LRP1B: variants seen among roughly 807,000 people sequenced by gnomAD.
The protein encoded by LRP1B is low-density lipoprotein receptor-related protein 1B.
A neutral mutation model predicts 556.6 loss-of-function variants in LRP1B; 217 were observed. That is an observed-to-expected ratio of 0.39 (90% CI 0.35 to 0.44). The LOEUF is 0.44. LRP1B is among the 20% of genes least tolerant of loss of function. The pLI is 1.00. For missense variants in LRP1B, 5,053 were observed against 5,620.8 expected (o/e 0.90, Z 3.23); for synonymous variants, 2,047 against 1,865.8 (o/e 1.10, Z -2.50).
At chr2:140,485,933 G>A (rs1170002830) in intron 58 of LRP1B, among the ~76,000 whole-genome samples, 1 of 150,100 alleles carries the variant, frequency 6.7e-6, no homozygotes, top group Non-Finnish European at 1.5e-5. Flanking sequence ...GATAACAGTA[G>A]CATTCCTCAC....
intron 25 of LRP1B, among the ~76,000 whole-genome samples, chr2:140,872,131 A>G (rs1693153825): frequency 8.2e-6 from 1 of 121,868 alleles, no homozygotes; most frequent in South Asian, 2.5e-4. Context: ...AGTTTACTGA[A>G]TTCTGTTTTC....
chr2:140,679,261 C>T (rs943190321), intron 41 of LRP1B, among the ~76,000 whole-genome samples: 3 of 152,198 alleles, frequency 2.0e-5, no homozygotes, highest in Non-Finnish European at 2.9e-5. Flanking sequence ...TTTCCACATA[C>T]ACTCATGTGC....
At chr2:141,809,334 C>A (rs1387517931) in intron 2 of LRP1B, among the ~76,000 whole-genome samples, 1 of 152,164 alleles carries the variant, frequency 6.6e-6, no homozygotes, top group Non-Finnish European at 1.5e-5. Flanking sequence ...GAAAATGAAA[C>A]CAATAATTGT....
chr2:141,110,223 C>T (rs1700714835), intron 7 of LRP1B, among the ~76,000 whole-genome samples: 1 of 152,046 alleles, frequency 6.6e-6, no homozygotes, highest in African/African-American at 2.4e-5. Context: ...GGTGGGTCTA[C>T]ACATAAAGCC....
chr2:140,398,818 A>G (rs1684368348), intron 66 of LRP1B, among the ~76,000 whole-genome samples: 1 of 152,188 alleles, frequency 6.6e-6, no homozygotes, highest in Non-Finnish European at 1.5e-5. Context: ...TTGTTTCCCT[A>G]TAGGTTCATC....
rs779473445 is a variant in LRP1B, at chr2:140,776,129, A to G, written c.5469T>C (p.His1823=). ...GTGCTTCTTTATCATAGACTTTCAT[A>G]TGAACTACCCCAGAAGTCTTATTCC... is the stretch of plus-strand genomic sequence containing the variant. ...ILRNKTSGVV[H]MKVYDKEAQQ... is the part of the protein sequence containing the mutation. Residue 1823 remains histidine, a synonymous_variant, in exon 33 of 91, where the codon CAT becomes CAC. Coordinates refer to ENST00000389484, the MANE Select transcript of LRP1B (RefSeq NM_018557.3). The G allele has an allele frequency of 1.7e-5, 26 of 1,570,926 alleles. No homozygotes were observed. Among genetic ancestry groups the G allele is most frequent in the Non-Finnish European group, 2.2e-5 (26 of 1,164,816 alleles).
intron 2 of LRP1B, among the ~76,000 whole-genome samples, chr2:141,508,320 A>T (rs972548399): frequency 6.6e-6 from 1 of 152,168 alleles, no homozygotes; most frequent in South Asian, 2.1e-4. Context: ...CTGTATGTTC[A>T]TCAGAAGGGT....
chr2:140,716,375 C>A (rs997600055), intron 36 of LRP1B, among the ~76,000 whole-genome samples: 2 of 151,904 alleles, frequency 1.3e-5, no homozygotes, highest in Admixed American at 6.6e-5. Flanking sequence ...AAAGAAAATA[C>A]CTATTTTAAC....
At chr2:140,870,374 A>G (rs751661738) in intron 25 of LRP1B, among the ~76,000 whole-genome samples, 1 of 152,118 alleles carries the variant, frequency 6.6e-6, no homozygotes, top group African/African-American at 2.4e-5. Flanking sequence ...AAAATTATAT[A>G]CCACTCCTCA....
intron 1 of LRP1B, among the ~76,000 whole-genome samples, chr2:141,828,345 C>T (rs1004129262): frequency 2.0e-5 from 3 of 151,790 alleles, no homozygotes; most frequent in Non-Finnish European, 2.9e-5. Context: ...TTTAAACATT[C>T]AAATATTTAA....
At chr2:140,494,196 G>T (rs1201839761) in intron 56 of LRP1B, among the ~76,000 whole-genome samples, 1 of 152,104 alleles carries the variant, frequency 6.6e-6, no homozygotes, top group Non-Finnish European at 1.5e-5. Context: ...CAACTATGGT[G>T]TGGATACATA....
intron 1 of LRP1B, among the ~76,000 whole-genome samples, chr2:141,831,441 T>G (rs1206577334): frequency 6.6e-6 from 1 of 151,690 alleles, no homozygotes; most frequent in African/African-American, 2.4e-5. Flanking sequence ...TCAATAGCTC[T>G]CTGTATTTCT....
At chr2:141,448,595 G>A (rs139068785) in intron 3 of LRP1B, among the ~76,000 whole-genome samples, 1 of 152,116 alleles carries the variant, frequency 6.6e-6, no homozygotes, top group African/African-American at 2.4e-5. Flanking sequence ...ATCTGGGCCG[G>A]ATTGCACCAT....
chr2:141,645,843 A>T (rs1236828120), intron 2 of LRP1B, among the ~76,000 whole-genome samples: 2 of 152,086 alleles, frequency 1.3e-5, no homozygotes, highest in African/African-American at 4.8e-5. Flanking sequence ...AGGCACACAC[A>T]TCCATATAAA....
intron 1 of LRP1B, among the ~76,000 whole-genome samples, chr2:141,996,723 T>C (rs754093921): frequency 7.2e-4 from 87 of 121,550 alleles, no homozygotes; most frequent in East Asian, 2.1e-3. Context: ...TCCCCCCCCC[T>C]ACAAACTAGT....
intron 77 of LRP1B, 106 bp from the exon 78 acceptor site, chr2:140,335,944 T>C (rs1681068951): frequency 1.4e-6 from 1 of 718,056 alleles, no homozygotes; most frequent in Non-Finnish European, 2.5e-6. Flanking sequence ...AACATAGTCA[T>C]GAGTTAATTG....
intron 41 of LRP1B, among the ~76,000 whole-genome samples, chr2:140,655,070 A>G (rs1178928614): frequency 6.6e-6 from 1 of 150,778 alleles, no homozygotes; most frequent in Non-Finnish European, 1.5e-5. Flanking sequence ...TAAAAATTGG[A>G]ATATATGTGG....
chr2:141,429,737 C>T (rs552622633), intron 3 of LRP1B, among the ~76,000 whole-genome samples: 6 of 152,018 alleles, frequency 3.9e-5, no homozygotes, highest in Non-Finnish European at 5.9e-5. Flanking sequence ...AGAGAATATG[C>T]GGTATTTGGT....
At chr2:141,262,226 A>G (rs1467154368) in intron 3 of LRP1B, among the ~76,000 whole-genome samples, 1 of 151,662 alleles carries the variant, frequency 6.6e-6, no homozygotes, top group Non-Finnish European at 1.5e-5. Context: ...GCCGACTGTT[A>G]TTAGGTTGTT....
Sources: allele counts gnomAD v4.1 joint callset (sites outside exome capture counted in the v4.1 genomes callset), GRCh38; gene constraint gnomAD v4.1.1; transcripts MANE v1.5; gene names NCBI Gene and HGNC (gene_info 2026-07-23, HGNC 2026-07-21).